The following CEP112 variants were observed in gnomAD, a reference collection of about 807,000 sequenced individuals.
The protein encoded by CEP112 is centrosomal protein 112.
CEP112 carries 127 observed loss-of-function variants against 153.0 expected under a neutral mutation model. The observed-to-expected ratio is 0.83, with a 90% CI of 0.72 to 0.96. The LOEUF is 0.96. Among genes scored for constraint, CEP112 ranks in the 40% least tolerant of loss-of-function variants. The pLI is 0.00. For missense variants in CEP112, 1,089 were observed against 1,101.2 expected (o/e 0.99, Z 0.16); for synonymous variants, 358 against 374.4 (o/e 0.96, Z 0.51).
At chr17:65,890,095 A>T (rs1286250817) in intron 20 of CEP112, among the ~76,000 whole-genome samples, 3 of 152,234 alleles carry the variant, frequency 2.0e-5, no homozygotes, top group Non-Finnish European at 2.9e-5. Context: ...TAAAGACAAA[A>T]TTCAAACACA....
In CEP112 at chr17:65,925,296, A is replaced by C. The variant is rs188743877; in HGVS notation, c.1980+2286T>G. On this transcript the variant is annotated intron_variant, in intron 19 of 26. Transcript: ENST00000535342. The stretch of plus-strand genomic sequence containing the variant: ...TTGTGAGGCCCCCTCAGCCATGTGG[A>C]ACTGTGAGTCCATTAAACCTCTTTC... 3.2e-3 allele frequency among the ~76,000 whole-genome samples: 494 copies of C among 152,288 alleles called. 4 individuals are homozygous for C. The highest frequency in any genetic ancestry group is 0.011 in the African/African-American group (472 of 41,544).
At chr17:65,828,688 T>C (rs1194911432) in intron 21 of CEP112, among the ~76,000 whole-genome samples, 1 of 126,246 alleles carries the variant, frequency 7.9e-6, no homozygotes, top group Non-Finnish European at 1.6e-5. Flanking sequence ...ATAATTTTTC[T>C]TTTTTGATTT....
chr17:65,711,261 A>C (rs2049171204), intron 23 of CEP112, among the ~76,000 whole-genome samples: 1 of 152,194 alleles, frequency 6.6e-6, no homozygotes, highest in African/African-American at 2.4e-5. Flanking sequence ...GTAATGAAGC[A>C]TTCAAGGTTT....
At chr17:65,772,430 GTAGACAT>G (rs1268213126) in intron 21 of CEP112, among the ~76,000 whole-genome samples, 1 of 152,090 alleles carries the variant, frequency 6.6e-6, no homozygotes, top group Non-Finnish European at 1.5e-5. Context: ...ATCAGATTCT[GTAGACAT>G]TAATAGGGTA....
At chr17:65,876,910 C>T (rs1012455214) in intron 20 of CEP112, among the ~76,000 whole-genome samples, 1 of 151,958 alleles carries the variant, frequency 6.6e-6, no homozygotes, top group Non-Finnish European at 1.5e-5. Flanking sequence ...TTCAGTTTTG[C>T]TTTCCTTAAA....
chr17:66,001,526 T>C (rs1327785638), intron 17 of CEP112, among the ~76,000 whole-genome samples: 1 of 152,092 alleles, frequency 6.6e-6, no homozygotes, highest in Non-Finnish European at 1.5e-5. Context: ...GCAAAAAGAG[T>C]TTAAAATATC....
chr17:65,743,259 G>T (rs770967290), intron 22 of CEP112, 42 bp from the exon 23 acceptor site: 3 of 1,518,808 alleles, frequency 2.0e-6, no homozygotes, highest in Non-Finnish European at 8.9e-7. Flanking sequence ...ATTCTTCTGG[G>T]AGAGGCATCT....
At chr17:65,686,508 C>T (rs1299955274) in intron 24 of CEP112, among the ~76,000 whole-genome samples, 1 of 152,188 alleles carries the variant, frequency 6.6e-6, no homozygotes, top group Non-Finnish European at 1.5e-5. Context: ...TTACCACAAA[C>T]TAGAGAAGCC....
At chr17:65,754,102 G>C (rs1463641726) in intron 21 of CEP112, among the ~76,000 whole-genome samples, 1 of 152,214 alleles carries the variant, frequency 6.6e-6, no homozygotes, top group Non-Finnish European at 1.5e-5. Context: ...CTATGGAGAA[G>C]TATCAATCAA....
At chr17:65,863,205 A>T (rs1324706295) in intron 20 of CEP112, among the ~76,000 whole-genome samples, 1 of 152,208 alleles carries the variant, frequency 6.6e-6, no homozygotes, top group Non-Finnish European at 1.5e-5. Context: ...TAGTCTCCTA[A>T]TATTATTTTG....
intron 4 of CEP112, among the ~76,000 whole-genome samples, chr17:66,143,315 T>C (rs2070784620): frequency 6.6e-6 from 1 of 152,206 alleles, no homozygotes; most frequent in Non-Finnish European, 1.5e-5. Flanking sequence ...AAAGATCAAA[T>C]CCAAGGTTTT....
At chr17:65,650,507 C>T (rs1032416594) in intron 24 of CEP112, among the ~76,000 whole-genome samples, 1 of 152,096 alleles carries the variant, frequency 6.6e-6, no homozygotes, top group Non-Finnish European at 1.5e-5. Context: ...GCTGCCTCTG[C>T]TTGCTGCTGG....
intron 17 of CEP112, among the ~76,000 whole-genome samples, chr17:65,968,300 A>C (rs1330640850): frequency 6.6e-6 from 1 of 152,182 alleles, no homozygotes. Flanking sequence ...TTCCTTCAAA[A>C]ACATTATCCA....
intron 19 of CEP112, chr17:65,913,523 G>A: frequency 1.0e-6 from 1 of 985,334 alleles, no homozygotes; most frequent in Non-Finnish European, 1.2e-6. Flanking sequence ...AACAGAAATA[G>A]AATGTGTCAT....
intron 17 of CEP112, among the ~76,000 whole-genome samples, chr17:65,969,003 G>A (rs1414127870): frequency 6.6e-6 from 1 of 151,740 alleles, no homozygotes; most frequent in Non-Finnish European, 1.5e-5. Flanking sequence ...TCTATCACAT[G>A]CCAAGATCTG....
chr17:65,712,866 T>A (rs1029780061), intron 23 of CEP112, among the ~76,000 whole-genome samples: 15 of 152,102 alleles, frequency 9.9e-5, no homozygotes, highest in Admixed American at 3.9e-4. Context: ...AGAGCTGTGC[T>A]TATCGGCAGT....
At position 66,053,943 on chromosome 17, in the gene CEP112, C is replaced by CA. The variant is rs897942968; in HGVS notation, c.1075-65_1075-64insT. The CA allele has an allele frequency of 6.2e-5, 87 of 1,412,198 alleles. No homozygotes were observed. The African/African-American group carries it at 1.1e-3, about 17-fold the overall frequency. The allele number at this position is 1,412,198 out of a possible 1,614,324, so 87.5% of individuals were successfully genotyped here. ...TGGAATTGACTATTTTGTAATTCAG[C>CA]GGAAAAAATGGTTTCTATATTCCTC... is the stretch of plus-strand genomic sequence containing the variant. On this transcript the variant is annotated intron_variant, in intron 11 of 26. Coordinates refer to ENST00000535342, the MANE Select transcript of CEP112 (RefSeq NM_001199165.4).
chr17:65,774,235 G>A (rs1026709282), intron 21 of CEP112, among the ~76,000 whole-genome samples: 3 of 152,124 alleles, frequency 2.0e-5, no homozygotes, highest in Non-Finnish European at 2.9e-5. Flanking sequence ...GGGCATAATC[G>A]GGAATGAAGG....
chr17:65,654,971 G>T, intron 24 of CEP112: 1 of 683,664 alleles, frequency 1.5e-6, no homozygotes, highest in East Asian at 3.9e-5. Flanking sequence ...CGGGCCAATA[G>T]TGATTGGCAA....
Sources: allele counts gnomAD v4.1 joint callset (sites outside exome capture counted in the v4.1 genomes callset), GRCh38; gene constraint gnomAD v4.1.1; transcripts MANE v1.5; gene names NCBI Gene and HGNC (gene_info 2026-07-23, HGNC 2026-07-21).